TRIML2: variants seen among roughly 807,000 people sequenced by gnomAD.
TRIML2 encodes the protein tripartite motif family like 2, also known as probable E3 ubiquitin-protein ligase TRIML2.
Under a neutral mutation model 31.2 loss-of-function variants are expected in TRIML2, and 28 were observed. The observed-to-expected ratio is 0.90, with a 90% CI of 0.66 to 1.23. The LOEUF (loss-of-function observed/expected upper bound fraction) is 1.23, where lower values mean the gene tolerates loss of function less well. Among genes scored for constraint, TRIML2 ranks in the 50% most tolerant of loss-of-function variants. The pLI, the probability that TRIML2 is intolerant of heterozygous loss-of-function variation, is 0.00. For missense variants in TRIML2, 536 were observed against 528.3 expected (o/e 1.01, Z -0.14); for synonymous variants, 187 against 197.5 (o/e 0.95, Z 0.45).
intron 1 of TRIML2, among the ~76,000 whole-genome samples, chr4:188,108,653 C>G (rs796637951): frequency 4.6e-5 from 7 of 152,272 alleles, no homozygotes; most frequent in African/African-American, 1.7e-4. Context: ...GTCAATCTAG[C>G]TGCCTCTAAT....
At chr4:188,105,080 A>G (rs1000854579) in intron 2 of TRIML2, 100 bp downstream of exon 2, 4 of 1,440,528 alleles carry the variant, frequency 2.8e-6, no homozygotes, top group East Asian at 2.3e-5. Context: ...TGTAATAAAC[A>G]TCAACTAAGG....
rs773448598 is a variant in TRIML2, at chr4:188,094,096, AC to A, written c.746-2156del. Among the ~76,000 whole-genome samples, 770 of 131,218 alleles carry A rather than the reference AC, an allele frequency of 5.9e-3. 15 individuals carry two copies. The highest frequency in any genetic ancestry group is 0.028 in the Middle Eastern group (7 of 248). 86.1% of individuals were successfully genotyped at this position (131,218 alleles called of 152,430 possible). A position where few individuals can be genotyped will look rare whatever the true frequency, so the allele number is the denominator to read the frequency against. Reference sequence around the variant, plus strand: ...ACAGAGCCAGACAGCATCTCAAAAAACAAAAACAAAAACAAAAACAAAAACA... The same window carrying A: ...ACAGAGCCAGACAGCATCTCAAAAAAAAAAACAAAAACAAAAACAAAAACA... On this transcript the variant is annotated intron_variant, in intron 7 of 7. Transcript: ENST00000682553.
Position 188,101,241 on chromosome 4 carries a change from G to T in TRIML2, c.295C>A (p.Gln99Lys), listed in dbSNP as rs1733773875. ...ERMAMIQEEE[Q>K]NFKKMIESEY... Reference sequence around the variant, plus strand: ...GACTCAATCATCTTTTTAAAATTTTGTTCCTCTTCCTTCCTCATATAGACA... The same window carrying T: ...GACTCAATCATCTTTTTAAAATTTTTTTCCTCTTCCTTCCTCATATAGACA... Residue 99 changes from glutamine to lysine, a missense_variant, in exon 4 of 8, where the codon CAA becomes AAA. Coordinates refer to ENST00000682553, the MANE Select transcript of TRIML2 (RefSeq NM_173553.4). 4 of 1,608,994 alleles carry T rather than the reference G, an allele frequency of 2.5e-6. No homozygotes were observed. The highest frequency in any genetic ancestry group is 8.5e-7 in the Non-Finnish European group (1 of 1,178,616).
rs1560955928 is a variant in TRIML2, at chr4:188,105,213, C to CA, written c.155dup (p.Cys53ValfsTer8). The CA allele has an allele frequency of 6.2e-7, 1 of 1,609,090 alleles. No homozygotes were observed. Among genetic ancestry groups the CA allele is most frequent in the Admixed American group, 1.7e-5 (1 of 59,954 alleles). ...TCTCAGCAGCCTCTTGTATCCCACA[C>CA]ACCATGTGATGTTTGTGCTCCTGGG... On this transcript the variant is annotated frameshift_variant, in exon 2 of 8. Transcript: ENST00000682553. LOFTEE classifies it high-confidence loss of function.
intron 7 of TRIML2, among the ~76,000 whole-genome samples, chr4:188,093,631 C>T (rs1733363062): frequency 6.6e-6 from 1 of 152,232 alleles, no homozygotes; most frequent in African/African-American, 2.4e-5. Flanking sequence ...CACTGCCCTC[C>T]AGCCTGAGCA....
intron 5 of TRIML2, chr4:188,098,115 G>A (rs1175763285): frequency 3.6e-5 from 10 of 276,158 alleles, no homozygotes; most frequent in Admixed American, 1.8e-4. Context: ...GCGAGACTCC[G>A]TCTCGGGGAA....
At chr4:188,092,230 G>C (rs1339497793) in intron 7 of TRIML2, among the ~76,000 whole-genome samples, 1 of 152,062 alleles carries the variant, frequency 6.6e-6, no homozygotes, top group African/African-American at 2.4e-5. Context: ...ATCCAACGTG[G>C]CGCGGTGGCT....
rs767450977 is a variant in TRIML2, at chr4:188,091,419, G to A, written c.1268C>T (p.Thr423Ile). 8.7e-6 allele frequency: 14 copies of A among 1,614,094 alleles called. No individual in the cohort carries two copies. Among genetic ancestry groups the A allele is most frequent in the Middle Eastern group, 3.3e-4 (2 of 6,084 alleles). ...PNGDTSPDSLTILQHGPSCDA... is the reference protein window; with the variant it reads ...PNGDTSPDSLIILQHGPSCDA... ...ACAAGAAGGACCATGTTGTAAGATG[G>A]TGAGGGAGTCTGGACTTGTGTCTCC... Residue 423 changes from threonine (T) to isoleucine (I), a missense_variant, in exon 8 of 8, where the codon ACC (threonine) becomes ATC (isoleucine). Coordinates refer to ENST00000682553, the MANE Select transcript of TRIML2 (RefSeq NM_173553.4).
At chr4:188,101,639 A>G (rs909751690) in intron 3 of TRIML2, among the ~76,000 whole-genome samples, 9 of 152,030 alleles carry the variant, frequency 5.9e-5, no homozygotes, top group African/African-American at 2.2e-4. Context: ...GGTTGCAGTG[A>G]GCAGAGATTA....
intron 7 of TRIML2, among the ~76,000 whole-genome samples, chr4:188,096,358 G>C (rs1733508098): frequency 1.3e-5 from 2 of 151,524 alleles, no homozygotes; most frequent in African/African-American, 4.8e-5. Context: ...AACATGGTAA[G>C]ACCTCATCTC....
intron 7 of TRIML2, among the ~76,000 whole-genome samples, chr4:188,092,335 G>T (rs548479292): frequency 6.6e-6 from 1 of 151,988 alleles, no homozygotes; most frequent in Non-Finnish European, 1.5e-5. Context: ...GGTGGCAGGC[G>T]CCTGTAATCC....
rs532639024 is a variant in TRIML2, at chr4:188,102,108, C to A, written c.286-858G>T. On this transcript the variant is annotated intron_variant, in intron 3 of 7. Transcript: ENST00000682553. ...TGGCGCCACCGCACTCCAGCCTGGG[C>A]GACAGAGGGAGACTCCATCTTAAAA... Among the ~76,000 whole-genome samples, 5 of 136,748 alleles carry A rather than the reference C, an allele frequency of 3.7e-5. No individual in the cohort carries two copies. In the South Asian group the frequency reaches 1.2e-3, roughly 32 times the overall value. 89.7% of individuals were successfully genotyped at this position (136,748 alleles called of 152,430 possible). A position where few individuals can be genotyped will look rare whatever the true frequency, so the allele number is the denominator to read the frequency against.
intron 4 of TRIML2, 53 bp from the exon 5 acceptor site, chr4:188,099,228 A>G (rs1733663405): frequency 6.5e-7 from 1 of 1,544,156 alleles, no homozygotes; most frequent in Non-Finnish European, 8.7e-7. Flanking sequence ...CAGGAACAAG[A>G]GTTCGGTAAC....
At chr4:188,107,934 C>T (rs112925638) in intron 1 of TRIML2, among the ~76,000 whole-genome samples, 3,742 of 152,162 alleles carry the variant, frequency 0.025, 73 homozygotes, top group Middle Eastern at 0.051. Context: ...GCTGGTTTCC[C>T]GTGTCTTAGG....
intron 1 of TRIML2, 110 bp from the exon 2 acceptor site, chr4:188,105,700 CACTT>C (rs1428485601): frequency 1.3e-5 from 3 of 226,552 alleles, no homozygotes; most frequent in African/African-American, 2.2e-5. Flanking sequence ...GAACAGCACT[CACTT>C]ACGAGTCATT....
At chr4:188,100,697 G>A (rs1328308548) in intron 4 of TRIML2, among the ~76,000 whole-genome samples, 1 of 152,054 alleles carries the variant, frequency 6.6e-6, no homozygotes, top group Non-Finnish European at 1.5e-5. Context: ...ACTCCAGCCT[G>A]GAGACAGAGC....
intron 4 of TRIML2, among the ~76,000 whole-genome samples, chr4:188,100,460 C>A (rs971795154): frequency 2.0e-5 from 3 of 152,166 alleles, no homozygotes; most frequent in African/African-American, 7.2e-5. Context: ...CGGTGGCTCA[C>A]GCCTGTAATC....
chr4:188,105,422 T>C lies in TRIML2; in HGVS notation c.-54A>G, dbSNP rs1733986603. 6 of 1,321,316 alleles carry C rather than the reference T, an allele frequency of 4.5e-6. No individual in the cohort carries two copies. In the Admixed American group the frequency reaches 7.4e-5, roughly 16 times the overall value. The allele number at this position is 1,321,316 out of a possible 1,614,324, so 81.8% of individuals were successfully genotyped here. A position where few individuals can be genotyped will look rare whatever the true frequency, so the allele number is the denominator to read the frequency against. ...GACTGTATGCTTCTACTGAGGTATC[T>C]CCCTGCACTGTGAATGAGAAAAAAT... is the stretch of plus-strand genomic sequence containing the variant. On this transcript the variant is annotated 5_prime_UTR_variant, in exon 2 of 8. Transcript: ENST00000682553.
rs773425392 is a variant in TRIML2, at chr4:188,105,339, C to T, written c.30G>A (p.Gln10=). ...AATAGGCATCTTCTGTGATGTTGTG[C>T]TGTAACTGAGGGCTGAGCCTTTTGG... is the stretch of plus-strand genomic sequence containing the variant. MSKRLSPQL[Q]HNITEDAYCE... Residue 10 remains glutamine, a synonymous_variant, in exon 2 of 8, where the codon CAG becomes CAA. Transcript: ENST00000682553. 1.3e-5 allele frequency: 21 copies of T among 1,594,882 alleles called. No individual in the cohort carries two copies. In the Admixed American group the frequency reaches 3.4e-4, roughly 25 times the overall value.
Sources: gnomAD v4.1 joint callset for allele counts (sites outside exome capture counted in the v4.1 genomes callset) on GRCh38, gnomAD v4.1.1 for gene constraint, MANE v1.5 for transcripts, NCBI Gene and HGNC (gene_info 2026-07-23, HGNC 2026-07-21) for gene names.